The following CDC42BPA variants were observed in gnomAD, a reference collection of about 807,000 sequenced individuals.
The protein encoded by CDC42BPA is serine/threonine-protein kinase MRCK alpha.
Under a neutral mutation model 223.5 loss-of-function variants are expected in CDC42BPA, and 80 were observed. The observed-to-expected ratio is 0.36, with a 90% CI of 0.30 to 0.43. The LOEUF is 0.43. Ranked by LOEUF, CDC42BPA falls within the 20% of genes least tolerant of loss-of-function variation. The probability of loss-of-function intolerance (pLI) is 1.00; values close to 1 mark genes in which losing one functional copy is unlikely to be tolerated. For synonymous variants in CDC42BPA, 694 were observed against 718.6 expected (o/e 0.97, Z 0.55); for missense variants, 1,743 against 2,099.9 (o/e 0.83, Z 3.32).
chr1:227,284,143 CTTT>C (rs780117194), intron 1 of CDC42BPA, among the ~76,000 whole-genome samples: 3 of 152,036 alleles, frequency 2.0e-5, no homozygotes, highest in Non-Finnish European at 4.4e-5. Context: ...TCTATTAATG[CTTT>C]GTCTTGACAC....
intron 5 of CDC42BPA, among the ~76,000 whole-genome samples, chr1:227,187,187 C>G (rs1304393237): frequency 6.6e-6 from 1 of 152,050 alleles, no homozygotes; most frequent in South Asian, 2.1e-4. Flanking sequence ...AGAGACTGGA[C>G]AGACATCAGA....
At chr1:227,062,368 T>C (rs1435921457) in intron 21 of CDC42BPA, among the ~76,000 whole-genome samples, 1 of 152,226 alleles carries the variant, frequency 6.6e-6, no homozygotes, top group East Asian at 1.9e-4. Flanking sequence ...TTAATAAGCT[T>C]TTCTGGATCC....
intron 5 of CDC42BPA, among the ~76,000 whole-genome samples, chr1:227,191,582 T>C (rs10799402): frequency 0.68 from 103,801 of 151,990 alleles, 35,679 homozygotes; most frequent in South Asian, 0.73. Context: ...TCTAGGCATA[T>C]AATTTTCAGA....
chr1:227,042,285 A>T (rs1035946275), intron 23 of CDC42BPA, among the ~76,000 whole-genome samples: 1 of 80,444 alleles, frequency 1.2e-5, no homozygotes, highest in African/African-American at 5.2e-5. Flanking sequence ...CGAATTGCAC[A>T]TATACATATA....
At chr1:227,286,299 G>A (rs1282114814) in intron 1 of CDC42BPA, among the ~76,000 whole-genome samples, 1 of 152,096 alleles carries the variant, frequency 6.6e-6, no homozygotes, top group African/African-American at 2.4e-5. Flanking sequence ...GAATGCTTTG[G>A]TGCTTAGAAA....
At chr1:227,064,831 C>T (rs1676647549) in intron 21 of CDC42BPA, among the ~76,000 whole-genome samples, 1 of 152,142 alleles carries the variant, frequency 6.6e-6, no homozygotes, top group South Asian at 2.1e-4. Context: ...GGCATGGTGG[C>T]TCATGCCTGT....
chr1:227,306,851 T>G (rs2148786397), intron 1 of CDC42BPA, among the ~76,000 whole-genome samples: 1 of 152,342 alleles, frequency 6.6e-6, no homozygotes, highest in Middle Eastern at 3.4e-3. Flanking sequence ...GGCATACCAC[T>G]TCTAAGTAGA....
At chr1:227,247,819 C>T (rs1681257576) in intron 2 of CDC42BPA, among the ~76,000 whole-genome samples, 1 of 151,346 alleles carries the variant, frequency 6.6e-6, no homozygotes, top group Non-Finnish European at 1.5e-5. Context: ...GAGATGGAGG[C>T]TGCAGTGAGC....
At chr1:227,276,556 G>A (rs867005534) in intron 1 of CDC42BPA, among the ~76,000 whole-genome samples, 2 of 152,138 alleles carry the variant, frequency 1.3e-5, no homozygotes, top group African/African-American at 4.8e-5. Context: ...CTGCCCAGCC[G>A]CCGCCCCGTC....
chr1:227,004,822 A>G (rs1663652938), intron 35 of CDC42BPA, 172 bp downstream of exon 35: 5 of 731,670 alleles, frequency 6.8e-6, no homozygotes, highest in Non-Finnish European at 1.3e-5. Flanking sequence ...TATTTTCTTA[A>G]CAACTGCATT....
chr1:227,101,703 A>C (rs1013775065), intron 14 of CDC42BPA, among the ~76,000 whole-genome samples: 3 of 152,202 alleles, frequency 2.0e-5, no homozygotes, highest in African/African-American at 7.2e-5. Flanking sequence ...ACAAAAATAA[A>C]GACAGAAACC....
chr1:227,261,570 C>T (rs1684080891), intron 1 of CDC42BPA, among the ~76,000 whole-genome samples: 2 of 144,264 alleles, frequency 1.4e-5, no homozygotes, highest in African/African-American at 5.9e-5. Context: ...TACAATCAAA[C>T]TAATGAAGGA....
chr1:227,103,321 T>C (rs922757381), intron 14 of CDC42BPA, among the ~76,000 whole-genome samples: 2 of 152,110 alleles, frequency 1.3e-5, no homozygotes, highest in African/African-American at 4.8e-5. Context: ...CTTCCAGATA[T>C]TAAAATAAGC....
chr1:227,061,996 G>C (rs959106097), intron 21 of CDC42BPA, among the ~76,000 whole-genome samples: 2 of 152,090 alleles, frequency 1.3e-5, no homozygotes, highest in Non-Finnish European at 2.9e-5. Flanking sequence ...AACTTAACTT[G>C]TCCAAAATGA....
intron 2 of CDC42BPA, among the ~76,000 whole-genome samples, chr1:227,245,034 C>G (rs868201025): frequency 3.3e-5 from 5 of 152,186 alleles, no homozygotes; most frequent in Admixed American, 1.3e-4. Context: ...GCAAGCATCA[C>G]CACTGCAGGC....
intron 1 of CDC42BPA, among the ~76,000 whole-genome samples, chr1:227,265,427 G>A (rs1684822225): frequency 6.6e-6 from 1 of 151,990 alleles, no homozygotes; most frequent in South Asian, 2.1e-4. Context: ...CAAAAATTAG[G>A]CCGGGCACAG....
intron 3 of CDC42BPA, among the ~76,000 whole-genome samples, chr1:227,204,237 A>G (rs4653803): frequency 0.69 from 104,505 of 152,058 alleles, 36,111 homozygotes; most frequent in South Asian, 0.73. Flanking sequence ...TTAAGTCTTC[A>G]TTTTAATATA....
chr1:227,146,227 T>TA (rs1660684598), intron 7 of CDC42BPA, among the ~76,000 whole-genome samples: 1 of 152,104 alleles, frequency 6.6e-6, no homozygotes, highest in African/African-American at 2.4e-5. Context: ...ATAGAAGAAA[T>TA]AAAGACACAC....
At chr1:227,198,600 G>C (rs1176689827) in intron 4 of CDC42BPA, among the ~76,000 whole-genome samples, 1 of 152,012 alleles carries the variant, frequency 6.6e-6, no homozygotes, top group Non-Finnish European at 1.5e-5. Flanking sequence ...TAATGACACT[G>C]TTTGAACACC....
Sources: allele counts gnomAD v4.1 joint callset (sites outside exome capture counted in the v4.1 genomes callset), GRCh38; gene constraint gnomAD v4.1.1; transcripts MANE v1.5; gene names NCBI Gene and HGNC (gene_info 2026-07-23, HGNC 2026-07-21).